FOXP1: variants seen among roughly 807,000 people sequenced by gnomAD.
The protein encoded by FOXP1 is forkhead box P1.
Under a neutral mutation model 98.2 loss-of-function variants are expected in FOXP1, and 15 were observed. The ratio of observed to expected loss-of-function variants is 0.15; its 90% confidence interval spans 0.10 to 0.24. FOXP1 has a LOEUF of 0.24. FOXP1 is among the 10% of genes least tolerant of loss of function. The probability of loss-of-function intolerance (pLI) is 1.00; values close to 1 mark genes in which losing one functional copy is unlikely to be tolerated. For synonymous variants in FOXP1, 371 were observed against 314.5 expected (o/e 1.18, Z -1.90); for missense variants, 633 against 848.5 (o/e 0.75, Z 3.15).
intron 2 of FOXP1, among the ~76,000 whole-genome samples, chr3:71,526,531 G>A (rs2043395236): frequency 6.6e-6 from 1 of 152,170 alleles, no homozygotes; most frequent in Admixed American, 6.5e-5. Context: ...CAGAAACGGG[G>A]CTCTAAGAAG....
At chr3:71,578,882 G>A (rs559161203) in intron 2 of FOXP1, among the ~76,000 whole-genome samples, 2 of 152,268 alleles carry the variant, frequency 1.3e-5, no homozygotes, top group East Asian at 3.9e-4. Flanking sequence ...GCTATTATAA[G>A]TATAAATGGT....
At chr3:71,432,502 G>A (rs1473547816) in intron 3 of FOXP1, among the ~76,000 whole-genome samples, 1 of 151,982 alleles carries the variant, frequency 6.6e-6, no homozygotes, top group Non-Finnish European at 1.5e-5. Flanking sequence ...TCCTTTTCCT[G>A]TCCCTCCCAG....
chr3:71,583,370 G>A, intron 1 of FOXP1: 2 of 812,368 alleles, frequency 2.5e-6, no homozygotes, highest in Non-Finnish European at 1.5e-6. Flanking sequence ...GGGGGGAGAG[G>A]AAGAGAGGGG....
At position 71,396,931 on chromosome 3, in the gene FOXP1, T is replaced by TACACAC. The variant is rs1318932568; in HGVS notation, c.-167-37688_-167-37687insGTGTGT. Reference sequence around the variant, plus strand: ...ATATATATGTGTGTATATATATATATATACACATATATATATGTGTATATA... The same window carrying TACACAC: ...ATATATATGTGTGTATATATATATATACACACATACACATATATATATGTGTATATA... On this transcript the variant is annotated intron_variant, in intron 3 of 20. Transcript: ENST00000649528. Among the ~76,000 whole-genome samples the TACACAC allele has an allele frequency of 4.3e-5, 4 of 93,852 alleles. 1 individual carries two copies. Among genetic ancestry groups the TACACAC allele is most frequent in the African/African-American group, 4.7e-5 (1 of 21,350 alleles). The allele number at this position is 93,852 out of a possible 152,430, so 61.6% of individuals were successfully genotyped here.
chr3:71,050,847 C>T (rs1020335602), intron 9 of FOXP1, among the ~76,000 whole-genome samples: 4 of 152,188 alleles, frequency 2.6e-5, no homozygotes, highest in Non-Finnish European at 2.9e-5. Context: ...AACTGAAGCT[C>T]GCAGTTCATT....
At chr3:71,052,438 T>C (rs1576450372) in intron 9 of FOXP1, 99 bp downstream of exon 9, 1 of 803,198 alleles carries the variant, frequency 1.2e-6, no homozygotes, top group East Asian at 2.5e-5. Flanking sequence ...TAGAGTCAGC[T>C]CAGTTGTGCA....
chr3:71,573,878 T>G (rs914253184), intron 2 of FOXP1: 1 of 152,224 alleles, frequency 6.6e-6, no homozygotes, highest in African/African-American at 2.4e-5. Context: ...ATTGATTCCC[T>G]AATGAAATAT....
chr3:71,028,790 C>T (rs1329769687), intron 11 of FOXP1, among the ~76,000 whole-genome samples: 1 of 152,192 alleles, frequency 6.6e-6, no homozygotes, highest in Non-Finnish European at 1.5e-5. Context: ...GCTTATTTTC[C>T]TACAAATATA....
At chr3:70,991,792 T>TA (rs1233092426) in intron 13 of FOXP1, among the ~76,000 whole-genome samples, 2 of 152,174 alleles carry the variant, frequency 1.3e-5, no homozygotes, top group East Asian at 1.9e-4. Context: ...AAGGTAAACA[T>TA]ATCTGAGGTC....
intron 2 of FOXP1, among the ~76,000 whole-genome samples, chr3:71,501,124 A>G (rs1419817679): frequency 1.3e-5 from 2 of 151,962 alleles, no homozygotes; most frequent in Non-Finnish European, 2.9e-5. Flanking sequence ...TCCGGGAGGC[A>G]GAGGTTGTAG....
chr3:71,235,348 C>T (rs566191013), intron 5 of FOXP1, among the ~76,000 whole-genome samples: 3 of 152,244 alleles, frequency 2.0e-5, no homozygotes, highest in Admixed American at 6.5e-5. Context: ...ACACCGATTA[C>T]GAAACCTCTA....
chr3:71,306,478 T>C (rs945972136), intron 4 of FOXP1, among the ~76,000 whole-genome samples: 3 of 152,124 alleles, frequency 2.0e-5, no homozygotes, highest in African/African-American at 7.2e-5. Context: ...TTTGTCACAT[T>C]GTAAGTTGAT....
chr3:71,115,444 C>T (rs1021260339), intron 6 of FOXP1, among the ~76,000 whole-genome samples: 1 of 151,848 alleles, frequency 6.6e-6, no homozygotes, highest in African/African-American at 2.4e-5. Context: ...TCAAGCAATT[C>T]TCCTGCCTCA....
At chr3:71,472,741 T>C (rs1200158614) in intron 3 of FOXP1, among the ~76,000 whole-genome samples, 1 of 152,210 alleles carries the variant, frequency 6.6e-6, no homozygotes, top group Non-Finnish European at 1.5e-5. Context: ...ATTAGAATAA[T>C]GGAAACGCTA....
At chr3:71,384,133 C>T (rs1192523107) in intron 3 of FOXP1, among the ~76,000 whole-genome samples, 2 of 152,122 alleles carry the variant, frequency 1.3e-5, no homozygotes, top group African/African-American at 4.8e-5. Flanking sequence ...GCAGGAGAAT[C>T]GCTTGAACCC....
intron 18 of FOXP1, 198 bp downstream of exon 18, chr3:70,972,357 C>T (rs1208582461): frequency 1.0e-5 from 9 of 893,816 alleles, no homozygotes; most frequent in Non-Finnish European, 1.6e-5. Context: ...GCATGTGATG[C>T]AACAAAGACC....
At chr3:71,438,087 C>T (rs1476756198) in intron 3 of FOXP1, among the ~76,000 whole-genome samples, 1 of 152,104 alleles carries the variant, frequency 6.6e-6, no homozygotes. Context: ...TAAAAGCAAA[C>T]AAAATAATTG....
At chr3:71,382,285 G>T (rs1434606566) in intron 3 of FOXP1, among the ~76,000 whole-genome samples, 1 of 151,940 alleles carries the variant, frequency 6.6e-6, no homozygotes, top group Non-Finnish European at 1.5e-5. Flanking sequence ...CAAGAAAAAA[G>T]GTGGGGAGGA....
chr3:71,393,928 C>A (rs990697247), intron 3 of FOXP1, among the ~76,000 whole-genome samples: 1 of 152,142 alleles, frequency 6.6e-6, no homozygotes, highest in Non-Finnish European at 1.5e-5. Flanking sequence ...CTCCTGGGCT[C>A]AAGTGATCCT....
Sources: gnomAD v4.1 joint callset for allele counts (sites outside exome capture counted in the v4.1 genomes callset) on GRCh38, gnomAD v4.1.1 for gene constraint, MANE v1.5 for transcripts, NCBI Gene and HGNC (gene_info 2026-07-23, HGNC 2026-07-21) for gene names.